Variants in PCDHGC4 observed in about 807,000 individuals in gnomAD.
PCDHGC4 encodes protocadherin gamma-C4.
PCDHGC4 carries 15 observed loss-of-function variants against 59.7 expected under a neutral mutation model. The observed-to-expected ratio is 0.25, with a 90% CI of 0.17 to 0.39. The LOEUF is 0.39. Ranked by LOEUF, PCDHGC4 falls within the 10% of genes least tolerant of loss-of-function variation. The pLI, the probability that PCDHGC4 is intolerant of heterozygous loss-of-function variation, is 1.00. For missense variants in PCDHGC4, 1,016 were observed against 1,189.5 expected (o/e 0.85, Z 2.15); for synonymous variants, 434 against 481.4 (o/e 0.90, Z 1.29).
rs11953770 is a variant in PCDHGC4 at position 141,510,741 on chromosome 5, C to T, written c.2591-206C>T. On this transcript the variant is annotated intron_variant, in intron 3 of 3. Coordinates refer to ENST00000306593, the MANE Select transcript of PCDHGC4 (RefSeq NM_018928.3). ...TAAGGAAAGGAGCTAGGAATCAAACCTAGACTTTCTCACTCCAGAGCCTCT... is the reference window on the plus strand; with the variant it reads ...TAAGGAAAGGAGCTAGGAATCAAACTTAGACTTTCTCACTCCAGAGCCTCT... Among the ~76,000 whole-genome samples the T allele has an allele frequency of 2.6e-5, 4 of 152,138 alleles. No homozygotes were observed. In the South Asian group the frequency reaches 8.3e-4, roughly 32 times the overall value.
chr5:141,489,283 G>A lies in PCDHGC4; in HGVS notation c.2442+1668G>A. The A allele has an allele frequency of 6.4e-7, 1 of 1,569,594 alleles. No homozygotes were observed. Among genetic ancestry groups the A allele is most frequent in the Admixed American group, 1.8e-5 (1 of 55,646 alleles). ...CCCACAGCTCGCTGGGAAATGGCAA[G>A]TGCTGTGCATGTTGTCCTTGTGCTG... On this transcript the variant is annotated intron_variant, in intron 1 of 3. Coordinates refer to ENST00000306593, the MANE Select transcript of PCDHGC4 (RefSeq NM_018928.3). This position sits in a 1 kb window ranked among gnomAD's most constrained non-coding sequence, Gnocchi z 4.5.
intron 1 of PCDHGC4, 148 bp from the exon 2 acceptor site, chr5:141,494,659 T>C (rs749872848): frequency 2.3e-4 from 343 of 1,488,556 alleles, no homozygotes; most frequent in Non-Finnish European, 2.9e-4. Flanking sequence ...ATTTTGTCTT[T>C]GGAGATGAGT....
chr5:141,487,919 A>G lies in PCDHGC4; in HGVS notation c.2442+304A>G, dbSNP rs548678238. ...ATGGAATGTGGGAGCACAGGAGGCTACAGTGCACAGGGTACAGTGCACCAG... is the reference window on the plus strand; with the variant it reads ...ATGGAATGTGGGAGCACAGGAGGCTGCAGTGCACAGGGTACAGTGCACCAG... On this transcript the variant is annotated intron_variant, in intron 1 of 3. Transcript: ENST00000306593. The surrounding 1 kb of genome is among the most constrained non-coding windows in gnomAD (Gnocchi z 5.0). 23 of 644,878 alleles carry G rather than the reference A, an allele frequency of 3.6e-5. No individual in the cohort carries two copies. Among genetic ancestry groups the G allele is most frequent in the Non-Finnish European group, 5.6e-5 (21 of 374,374 alleles). 39.9% of individuals were successfully genotyped at this position (644,878 alleles called of 1,614,324 possible). A position where few individuals can be genotyped will look rare whatever the true frequency, so the allele number is the denominator to read the frequency against.
chr5:141,486,816 C>G lies in PCDHGC4; in HGVS notation c.1643C>G (p.Thr548Ser). The G allele has an allele frequency of 6.2e-7, 1 of 1,614,252 alleles. No individual in the cohort carries two copies. Among genetic ancestry groups the G allele is most frequent in the East Asian group, 2.2e-5 (1 of 44,884 alleles). ...RDRGNPPLSS[T>S]VTVRLFVLDL... ...CGGGGCAACCCACCCCTTAGCAGCACTGTAACAGTTCGTCTATTTGTGCTG... is the reference window on the plus strand; with the variant it reads ...CGGGGCAACCCACCCCTTAGCAGCAGTGTAACAGTTCGTCTATTTGTGCTG... The change falls in exon 1 of 4, where the codon ACT (threonine) becomes AGT (serine). Residue 548 changes from threonine to serine, a missense_variant. Coordinates refer to ENST00000306593, the MANE Select transcript of PCDHGC4 (RefSeq NM_018928.3). The surrounding 1 kb of genome is among the most constrained non-coding windows in gnomAD (Gnocchi z 5.0).
intron 2 of PCDHGC4, among the ~76,000 whole-genome samples, chr5:141,499,384 A>G (rs2099791576): frequency 6.6e-6 from 1 of 152,200 alleles, no homozygotes. Context: ...TTTTCCACTT[A>G]TAAAATAGTA....
At chr5:141,501,516 C>T (rs763346187) in intron 2 of PCDHGC4, among the ~76,000 whole-genome samples, 1 of 152,010 alleles carries the variant, frequency 6.6e-6, no homozygotes, top group African/African-American at 2.4e-5. Context: ...GGCCTCCAAG[C>T]TGAAGCCCAG....
rs762908598 is a variant in PCDHGC4 at position 141,491,157 on chromosome 5, T to A, written c.2442+3542T>A. The A allele has an allele frequency of 3.7e-6, 6 of 1,614,108 alleles. No homozygotes were observed. The Admixed American group carries it at 8.3e-5, about 22-fold the overall frequency. On this transcript the variant is annotated intron_variant, in intron 1 of 3. Transcript: ENST00000306593. The surrounding 1 kb of genome is among the most constrained non-coding windows in gnomAD (Gnocchi z 6.9). ...CCCGGGCCTTACTGGAGGATGACTC[T>A]GACACCCAGCAGGTGGTGGTCCTGG...
At position 141,491,303 on chromosome 5, in the gene PCDHGC4, C is replaced by T; in HGVS notation, c.2443-3504C>T. On this transcript the variant is annotated intron_variant, in intron 1 of 3. Coordinates refer to ENST00000306593, the MANE Select transcript of PCDHGC4 (RefSeq NM_018928.3). This position sits in a 1 kb window ranked among gnomAD's most constrained non-coding sequence, Gnocchi z 6.9. ...TTCCTCATACACCCTCCTGAGCGTT[C>T]AGACCTTACCCTTTACCTCATTGTG... 6.2e-7 allele frequency: 1 copy of T among 1,614,132 alleles called. No homozygotes were observed. The highest frequency in any genetic ancestry group is 8.5e-7 in the Non-Finnish European group (1 of 1,179,962).
chr5:141,497,804 T>G (rs1196976996), intron 2 of PCDHGC4, among the ~76,000 whole-genome samples: 1 of 152,186 alleles, frequency 6.6e-6, no homozygotes, highest in Non-Finnish European at 1.5e-5. Context: ...CTTCCCAAAG[T>G]GCTAGAATTA....
At position 141,491,151 on chromosome 5, in the gene PCDHGC4, T is replaced by C. The variant is rs1283775894; in HGVS notation, c.2442+3536T>C. The C allele has an allele frequency of 6.2e-7, 1 of 1,614,150 alleles. No individual in the cohort carries two copies. On this transcript the variant is annotated intron_variant, in intron 1 of 3. Transcript: ENST00000306593. The surrounding 1 kb of genome is among the most constrained non-coding windows in gnomAD (Gnocchi z 6.9). ...GCACAGCCCGGGCCTTACTGGAGGA[T>C]GACTCTGACACCCAGCAGGTGGTGG...
chr5:141,501,441 A>G (rs547792017), intron 2 of PCDHGC4, among the ~76,000 whole-genome samples: 1 of 151,898 alleles, frequency 6.6e-6, no homozygotes, highest in African/African-American at 2.4e-5. Context: ...CATTTCTTCC[A>G]TTTTTACTTT....
chr5:141,494,613 G>A (rs2099755672), intron 1 of PCDHGC4, among the ~76,000 whole-genome samples, 194 bp from the exon 2 acceptor site: 1 of 152,136 alleles, frequency 6.6e-6, no homozygotes, highest in Non-Finnish European at 1.5e-5. Context: ...TTATCTCTTG[G>A]TTTCTGGTAC....
Position 141,491,737 on chromosome 5 carries a change from G to C in PCDHGC4, c.2443-3070G>C, listed in dbSNP as rs548808722. 1.2e-6 allele frequency: 2 copies of C among 1,600,586 alleles called. No homozygotes were observed. The highest frequency in any genetic ancestry group is 2.7e-5 in the African/African-American group (2 of 74,486). On this transcript the variant is annotated intron_variant, in intron 1 of 3. Transcript: ENST00000306593. The surrounding 1 kb of genome is among the most constrained non-coding windows in gnomAD (Gnocchi z 6.9). ...GGCGCCGCCCCGGGCGACCCCTGGG[G>C]GCGGCACTGGAGAAGCCGCCCGTCC...
chr5:141,497,326 T>C (rs1021730142), intron 2 of PCDHGC4, among the ~76,000 whole-genome samples: 1 of 152,060 alleles, frequency 6.6e-6, no homozygotes, highest in Non-Finnish European at 1.5e-5. Flanking sequence ...TGAAGCAGAA[T>C]TCACCATTGA....
rs1270447529 is a variant in PCDHGC4 at position 141,490,526 on chromosome 5, C to A, written c.2442+2911C>A. 3 of 1,614,116 alleles carry A rather than the reference C, an allele frequency of 1.9e-6. No homozygotes were observed. Among genetic ancestry groups the A allele is most frequent in the Non-Finnish European group, 2.5e-6 (3 of 1,180,008 alleles). On this transcript the variant is annotated intron_variant, in intron 1 of 3. Transcript: ENST00000306593. This position sits in a 1 kb window ranked among gnomAD's most constrained non-coding sequence, Gnocchi z 5.4. ...ATCATCGAGCTGCTGGCCAGCGATG[C>A]TGGTTCACCTTCCCTACACAAACAT...
intron 2 of PCDHGC4, among the ~76,000 whole-genome samples, chr5:141,500,431 G>A (rs1340129330): frequency 6.6e-6 from 1 of 151,476 alleles, no homozygotes; most frequent in Non-Finnish European, 1.5e-5. Flanking sequence ...GGATGGTCTC[G>A]ATCTCCTGAC....
Position 141,494,802 on chromosome 5 carries a change from C to T in PCDHGC4, c.2443-5C>T. 5 of 1,614,120 alleles carry T rather than the reference C, an allele frequency of 3.1e-6. No individual in the cohort carries two copies. The highest frequency in any genetic ancestry group is 4.2e-6 in the Non-Finnish European group (5 of 1,180,016). ...TCAGCCCCTTTCCCTCTGTTTTCTC[C>T]ACAGCAAGCCCCGCCCAACACGGAC... is the stretch of plus-strand genomic sequence containing the variant. On this transcript the variant is annotated splice_polypyrimidine_tract_variant and splice_region_variant and intron_variant, in intron 1 of 3. Transcript: ENST00000306593.
chr5:141,491,014 G>A lies in PCDHGC4; in HGVS notation c.2442+3399G>A, dbSNP rs761902295. On this transcript the variant is annotated intron_variant, in intron 1 of 3. Transcript: ENST00000306593. This position sits in a 1 kb window ranked among gnomAD's most constrained non-coding sequence, Gnocchi z 6.9. ...TCCTCCTGGCTCCTTGGTCACCAAG[G>A]TGACAGCCGTGGATGCTGATGCAGG... 6 of 1,614,134 alleles carry A rather than the reference G, an allele frequency of 3.7e-6. No individual in the cohort carries two copies. Among genetic ancestry groups the A allele is most frequent in the Non-Finnish European group, 4.2e-6 (5 of 1,180,044 alleles).
chr5:141,489,205 G>A lies in PCDHGC4; in HGVS notation c.2442+1590G>A. 2.1e-6 allele frequency: 3 copies of A among 1,438,682 alleles called. No homozygotes were observed. Among genetic ancestry groups the A allele is most frequent in the Non-Finnish European group, 1.9e-6 (2 of 1,060,944 alleles). 89.1% of individuals were successfully genotyped at this position (1,438,682 alleles called of 1,614,324 possible). On this transcript the variant is annotated intron_variant, in intron 1 of 3. Coordinates refer to ENST00000306593, the MANE Select transcript of PCDHGC4 (RefSeq NM_018928.3). The surrounding 1 kb of genome is among the most constrained non-coding windows in gnomAD (Gnocchi z 4.5). ...CTGGGTCTACCTTGGAGACAGGACA[G>A]CACAGACTTACTCTCCACAAAGGGA...
Sources: gnomAD v4.1 joint callset for allele counts (sites outside exome capture counted in the v4.1 genomes callset) on GRCh38, gnomAD v4.1.1 for gene constraint, Gnocchi (gnomAD v3.1) non-coding constraint, MANE v1.5 for transcripts, NCBI Gene and HGNC (gene_info 2026-07-23, HGNC 2026-07-21) for gene names.